Variants in CLIP4 observed in about 807,000 individuals in gnomAD.
The protein encoded by CLIP4 is CAP-Gly domain-containing linker protein 4.
A neutral mutation model predicts 73.1 loss-of-function variants in CLIP4; 47 were observed. That is an observed-to-expected ratio of 0.64 (90% CI 0.51 to 0.82). The LOEUF (loss-of-function observed/expected upper bound fraction) is 0.82, where lower values mean the gene tolerates loss of function less well. CLIP4 is among the 40% of genes least tolerant of loss of function. The probability of loss-of-function intolerance (pLI) is 0.00; values close to 1 mark genes in which losing one functional copy is unlikely to be tolerated. For synonymous variants in CLIP4, 306 were observed against 295.4 expected (o/e 1.04, Z -0.37); for missense variants, 874 against 852.9 (o/e 1.02, Z -0.31).
chr2:29,168,109 T>G (rs1226754258), intron 14 of CLIP4, among the ~76,000 whole-genome samples: 1 of 152,222 alleles, frequency 6.6e-6, no homozygotes, highest in Non-Finnish European at 1.5e-5. Flanking sequence ...CCAGAGCCTC[T>G]GCTTCTCCTC....
At chr2:29,174,278 A>C (rs970307039) in intron 14 of CLIP4, 95 bp from the exon 15 acceptor site, 1 of 1,064,612 alleles carries the variant, frequency 9.4e-7, no homozygotes, top group Non-Finnish European at 1.4e-6. Context: ...CATTTAATAT[A>C]ATAGAACATC....
At chr2:29,164,819 AT>A (rs1405998312) in intron 13 of CLIP4, among the ~76,000 whole-genome samples, 1 of 152,116 alleles carries the variant, frequency 6.6e-6, no homozygotes, top group Non-Finnish European at 1.5e-5. Context: ...ATCATTACAT[AT>A]TTGTTTAGTA....
chr2:29,164,816 C>T (rs1221017396), intron 13 of CLIP4, among the ~76,000 whole-genome samples: 1 of 152,138 alleles, frequency 6.6e-6, no homozygotes, highest in African/African-American at 2.4e-5. Context: ...TGAATCATTA[C>T]ATATTTGTTT....
intron 5 of CLIP4, among the ~76,000 whole-genome samples, chr2:29,134,743 T>C (rs1347309183): frequency 6.6e-6 from 1 of 152,092 alleles, no homozygotes; most frequent in Non-Finnish European, 1.5e-5. Flanking sequence ...AAGATGGGAT[T>C]CCCAAATCTG....
intron 1 of CLIP4, among the ~76,000 whole-genome samples, chr2:29,103,862 C>T (rs921597406): frequency 2.0e-5 from 3 of 151,904 alleles, no homozygotes; most frequent in Non-Finnish European, 2.9e-5. Context: ...TACAGGTGCC[C>T]GCCACCATGC....
rs1336042956 is a variant in CLIP4 at position 29,100,214 on chromosome 2, GC to G, written c.-16+2269del. 2.6e-5 allele frequency among the ~76,000 whole-genome samples: 4 copies of G among 152,134 alleles called. No individual in the cohort carries two copies. The East Asian group carries it at 5.8e-4, about 22-fold the overall frequency. On this transcript the variant is annotated intron_variant, in intron 1 of 14. Coordinates refer to the CLIP4 transcript ENST00000401605. ...CAAAATTCTGGGATTACAGGCATGA[GC>G]CACCATGCCTGGCCACAACTGACTT...
Position 29,132,197 on chromosome 2 carries a change from G to T in CLIP4, c.319G>T (p.Asp107Tyr). The T allele has an allele frequency of 1.2e-6, 2 of 1,613,862 alleles. No homozygotes were observed. The highest frequency in any genetic ancestry group is 1.7e-6 in the Non-Finnish European group (2 of 1,179,826). ...CNVNDRDGLT[D>Y]MTLLHYTCKS... ...TGTGAATGATAGAGATGGATTGACA[G>T]ATATGACTCTTTTACATTATACCTG... The change falls in exon 4 of 16, where the codon GAT becomes TAT. Residue 107 changes from aspartate to tyrosine, a missense_variant. Transcript: ENST00000320081.
intron 8 of CLIP4, among the ~76,000 whole-genome samples, chr2:29,148,036 C>T (rs1435800232): frequency 1.3e-5 from 2 of 152,120 alleles, no homozygotes; most frequent in Non-Finnish European, 2.9e-5. Context: ...CATGGGGACT[C>T]CCAAACTCCC....
At chr2:29,164,942 T>TGAAAATTAGGA (rs1667510383) in intron 13 of CLIP4, among the ~76,000 whole-genome samples, 1 of 152,242 alleles carries the variant, frequency 6.6e-6, no homozygotes, top group Admixed American at 6.5e-5. Context: ...TAAGTGTTGT[T>TGAAAATTAGGA]TCATTTGATC....
At chr2:29,141,749 TC>T (rs202132862) in intron 6 of CLIP4, among the ~76,000 whole-genome samples, 29 of 151,258 alleles carry the variant, frequency 1.9e-4, no homozygotes, top group East Asian at 3.9e-4. Context: ...GGACAAGTCT[TC>T]TTTTTTTTTA....
chr2:29,174,758 CCTT>C, intron 15 of CLIP4: 2 of 764,194 alleles, frequency 2.6e-6, no homozygotes, highest in Non-Finnish European at 3.2e-6. Context: ...TTTAAACTCT[CCTT>C]AAGTAATGAG....
chr2:29,121,324 A>C (rs1354657156), intron 1 of CLIP4, 50 bp from the exon 2 acceptor site: 2 of 1,508,496 alleles, frequency 1.3e-6, no homozygotes, highest in East Asian at 4.6e-5. Context: ...AGTCATTCTA[A>C]GTTGCATACA....
intron 8 of CLIP4, among the ~76,000 whole-genome samples, chr2:29,147,844 A>G (rs1666274038): frequency 1.3e-5 from 2 of 152,160 alleles, no homozygotes; most frequent in South Asian, 4.1e-4. Flanking sequence ...ATACTTAATT[A>G]TGTAATCCAT....
At position 29,173,692 on chromosome 2, in the gene CLIP4, C is replaced by T. The variant is rs960932082; in HGVS notation, c.1724-681C>T. On this transcript the variant is annotated intron_variant, in intron 14 of 15. Coordinates refer to ENST00000320081, the MANE Select transcript of CLIP4 (RefSeq NM_024692.6). ...TGTCAATCAAAAGATTCATTCAGCACGTCTGGTCTGCCATAACTGGCCAGG... is the reference window on the plus strand; with the variant it reads ...TGTCAATCAAAAGATTCATTCAGCATGTCTGGTCTGCCATAACTGGCCAGG... Among the ~76,000 whole-genome samples, 6 of 152,290 alleles carry T rather than the reference C, an allele frequency of 3.9e-5. No homozygotes were observed. In the South Asian group the frequency reaches 6.2e-4, roughly 16 times the overall value.
chr2:29,116,959 C>G (rs1164212912), intron 1 of CLIP4, among the ~76,000 whole-genome samples: 1 of 152,230 alleles, frequency 6.6e-6, no homozygotes, highest in African/African-American at 2.4e-5. Flanking sequence ...AACTAGTGAT[C>G]TTTAGATTAT....
At chr2:29,108,938 C>T (rs1002272977) in intron 1 of CLIP4, among the ~76,000 whole-genome samples, 7 of 152,174 alleles carry the variant, frequency 4.6e-5, no homozygotes, top group African/African-American at 7.2e-5. Context: ...GTGGATGGAG[C>T]TCTTATGTCT....
Position 29,107,137 on chromosome 2 carries a change from C to T in CLIP4, c.-16+9190C>T, listed in dbSNP as rs78738719. Among the ~76,000 whole-genome samples, 1,327 of 152,192 alleles carry T rather than the reference C, an allele frequency of 8.7e-3. 16 individuals carry two copies. Among genetic ancestry groups the T allele is most frequent in the African/African-American group, 0.031 (1,271 of 41,528 alleles). On this transcript the variant is annotated intron_variant, in intron 1 of 14. Coordinates refer to the CLIP4 transcript ENST00000401605. ...CTTTCTACCTACTCTGTGGCAGCTCCAATGGGTCTGACATTTTCTCAACCC... is the reference window on the plus strand; with the variant it reads ...CTTTCTACCTACTCTGTGGCAGCTCTAATGGGTCTGACATTTTCTCAACCC...
intron 1 of CLIP4, among the ~76,000 whole-genome samples, chr2:29,102,615 C>A (rs2148432180): frequency 6.6e-6 from 1 of 151,974 alleles, no homozygotes; most frequent in South Asian, 2.1e-4. Flanking sequence ...AGCACCGCAT[C>A]ACTTCCTTTT....
chr2:29,143,625 TA>T, intron 6 of CLIP4, 83 bp from the exon 7 acceptor site: 1 of 909,694 alleles, frequency 1.1e-6, no homozygotes, highest in Non-Finnish European at 1.8e-6. Context: ...GAATTTAACG[TA>T]AAGTTCTTCC....
Sources: gnomAD v4.1 joint callset for allele counts (sites outside exome capture counted in the v4.1 genomes callset) on GRCh38, gnomAD v4.1.1 for gene constraint, MANE v1.5 for transcripts, NCBI Gene and HGNC (gene_info 2026-07-23, HGNC 2026-07-21) for gene names.